Variants in GLG1 observed in about 807,000 individuals in gnomAD.
The protein encoded by GLG1 is golgi glycoprotein 1, also known as Golgi apparatus protein 1.
A neutral mutation model predicts 160.5 loss-of-function variants in GLG1; 38 were observed. That is an observed-to-expected ratio of 0.24 (90% CI 0.18 to 0.31). GLG1 has a LOEUF of 0.31. Ranked by LOEUF, GLG1 falls within the 10% of genes least tolerant of loss-of-function variation. The pLI is 1.00. For synonymous variants in GLG1, 644 were observed against 543.4 expected, an observed-to-expected ratio of 1.19 and a Z score of -2.57; for missense variants, 1,373 against 1,505.2, an observed-to-expected ratio of 0.91 and a Z score of 1.45.
chr16:74,556,130 G>T (rs185962048), intron 1 of GLG1, among the ~76,000 whole-genome samples: 19 of 152,252 alleles, frequency 1.2e-4, no homozygotes, highest in Admixed American at 1.1e-3. Context: ...TGAGCCACTG[G>T]TAAGAATAAA....
rs1334407154 is a variant in GLG1, at chr16:74,503,548, T to C, written c.757A>G (p.Ile253Val). Residue 253 changes from isoleucine (I) to valine (V), a missense_variant, in exon 4 of 26, where the codon ATT (isoleucine) becomes GTT (valine). Ile to Val is a conservative substitution (Grantham distance 29). Transcript: ENST00000422840. ...TTAGATACCTTTTCTCCAAGCCGAA[T>C]ACTGCCACATTTCAGAATGTTGATG... ...NDINILKCGS[I>V]RLGEKDAHSQ... 1.2e-6 allele frequency: 2 copies of C among 1,611,174 alleles called. No individual in the cohort carries two copies. The highest frequency in any genetic ancestry group is 1.7e-6 in the Non-Finnish European group (2 of 1,177,426).
intron 13 of GLG1, among the ~76,000 whole-genome samples, chr16:74,473,255 C>T (rs1298700225): frequency 6.6e-6 from 1 of 151,818 alleles, no homozygotes; most frequent in African/African-American, 2.4e-5. Flanking sequence ...GCTCTGTGGC[C>T]CAGGCGGGAG....
At chr16:74,471,354 C>T (rs563407111) in intron 14 of GLG1, 68 bp from the exon 15 acceptor site, 75 of 870,730 alleles carry the variant, frequency 8.6e-5, no homozygotes, top group South Asian at 3.4e-4. Context: ...TAGCCCAGTC[C>T]GAAACAAATG....
rs566210315 is a variant in GLG1 at position 74,486,293 on chromosome 16, C to G, written c.1450-376G>C. Among the ~76,000 whole-genome samples the G allele has an allele frequency of 2.6e-5, 4 of 152,300 alleles. No homozygotes were observed. In the South Asian group the frequency reaches 8.3e-4, roughly 32 times the overall value. On this transcript the variant is annotated intron_variant, in intron 8 of 25. Coordinates refer to ENST00000422840, the MANE Select transcript of GLG1 (RefSeq NM_001145667.2). ...TAAGTGGAAAAGAGTAAATAAAGAA[C>G]ATTTTCACTTAGAGACCTAATTGGG...
Position 74,451,876 on chromosome 16 carries a change from G to T in GLG1, c.*1291C>A. On this transcript the variant is annotated 3_prime_UTR_variant, in exon 26 of 26. Coordinates refer to ENST00000422840, the MANE Select transcript of GLG1 (RefSeq NM_001145667.2). ...AAGCCCATATTCTGCAAAGGTTGAT[G>T]AATCGCCAAAATACAACATTTAGCC... is the stretch of plus-strand genomic sequence containing the variant. 1 of 581,542 alleles carries T rather than the reference G, an allele frequency of 1.7e-6. No homozygotes were observed. Among genetic ancestry groups the T allele is most frequent in the Non-Finnish European group, 3.1e-6 (1 of 321,616 alleles). The allele number at this position is 581,542 out of a possible 1,614,324, so 36.0% of individuals were successfully genotyped here.
At chr16:74,478,161 G>T (rs895207447) in intron 11 of GLG1, among the ~76,000 whole-genome samples, 1 of 152,100 alleles carries the variant, frequency 6.6e-6, no homozygotes, top group East Asian at 1.9e-4. Context: ...AGGTTAGTTG[G>T]AAAGTTTTGT....
intron 18 of GLG1, among the ~76,000 whole-genome samples, chr16:74,466,347 C>A (rs1368527537): frequency 6.6e-6 from 1 of 152,174 alleles, no homozygotes; most frequent in Non-Finnish European, 1.5e-5. Flanking sequence ...AATACAAAAG[C>A]ATAAAGTGTC....
chr16:74,457,361 C>T (rs982878629), intron 24 of GLG1, among the ~76,000 whole-genome samples: 1 of 152,182 alleles, frequency 6.6e-6, no homozygotes, highest in Admixed American at 6.5e-5. Flanking sequence ...CATGCCACCA[C>T]ACTCCAGCCT....
At chr16:74,463,258 G>T (rs534283560) in intron 20 of GLG1, 98 bp downstream of exon 20, 1 of 1,216,118 alleles carries the variant, frequency 8.2e-7, no homozygotes. Context: ...AAAATTCCCA[G>T]GCAACAAAGC....
At chr16:74,456,216 T>C (rs983696462) in intron 25 of GLG1, among the ~76,000 whole-genome samples, 11 of 152,198 alleles carry the variant, frequency 7.2e-5, no homozygotes, top group Non-Finnish European at 1.5e-4. Flanking sequence ...CGGTGAACAG[T>C]GGGCGAAATG....
intron 3 of GLG1, among the ~76,000 whole-genome samples, chr16:74,504,523 C>T (rs1442864894): frequency 1.3e-5 from 2 of 152,100 alleles, no homozygotes; most frequent in Admixed American, 6.5e-5. Context: ...CCTGACCCCA[C>T]GTGACCCACC....
intron 1 of GLG1, among the ~76,000 whole-genome samples, chr16:74,571,103 G>A (rs1023146397): frequency 6.6e-6 from 1 of 151,958 alleles, no homozygotes; most frequent in Admixed American, 6.6e-5. Flanking sequence ...TGTCCTTTCC[G>A]TATTGATTTT....
At chr16:74,592,296 C>A (rs776436147) in intron 1 of GLG1, among the ~76,000 whole-genome samples, 3 of 152,180 alleles carry the variant, frequency 2.0e-5, no homozygotes, top group Non-Finnish European at 4.4e-5. Flanking sequence ...GCACATGCCA[C>A]CACACCTTGC....
chr16:74,529,708 C>T (rs1396136141), intron 2 of GLG1, among the ~76,000 whole-genome samples: 1 of 150,986 alleles, frequency 6.6e-6, no homozygotes, highest in Non-Finnish European at 1.5e-5. Flanking sequence ...GTCCTGACTG[C>T]TTCTTACATA....
At position 74,498,448 on chromosome 16, in the gene GLG1, G is replaced by GTATATATATATATATATATA. The variant is rs61033032; in HGVS notation, c.775-1805_775-1804insTATATATATATATATATATA. ...GGCTCTGTCTCAAAAAAAAAAAAAA[G>GTATATATATATATATATATA]TATATATATATATATATATTATATT... On this transcript the variant is annotated intron_variant, in intron 4 of 25. Transcript: ENST00000422840. Among the ~76,000 whole-genome samples the GTATATATATATATATATATA allele has an allele frequency of 8.5e-3, 205 of 24,034 alleles. 27 individuals are homozygous for GTATATATATATATATATATA. Among genetic ancestry groups the GTATATATATATATATATATA allele is most frequent in the South Asian group, 0.017 (8 of 464 alleles). 15.8% of individuals were successfully genotyped at this position (24,034 alleles called of 152,430 possible). A position where few individuals can be genotyped will look rare whatever the true frequency, so the allele number is the denominator to read the frequency against.
At chr16:74,494,979 G>T in intron 5 of GLG1, 148 bp from the exon 6 acceptor site, 4 of 441,812 alleles carry the variant, frequency 9.1e-6, no homozygotes, top group African/African-American at 2.0e-5. Context: ...AAATTTAATA[G>T]GCTTTTAACA....
chr16:74,511,368 T>A (rs1479915401), intron 2 of GLG1, among the ~76,000 whole-genome samples: 3 of 151,966 alleles, frequency 2.0e-5, no homozygotes, highest in Non-Finnish European at 4.4e-5. Flanking sequence ...ACTGAGTTTT[T>A]AGGCTGGGCA....
At chr16:74,517,267 T>C (rs553387814) in intron 2 of GLG1, among the ~76,000 whole-genome samples, 8 of 152,294 alleles carry the variant, frequency 5.3e-5, no homozygotes, top group Admixed American at 1.3e-4. Flanking sequence ...TTTAGACCAA[T>C]ATCCCTGATC....
Position 74,606,811 on chromosome 16 carries a change from C to T in GLG1, c.284G>A (p.Gly95Asp). The T allele has an allele frequency of 6.3e-7, 1 of 1,599,252 alleles. No individual in the cohort carries two copies. The highest frequency in any genetic ancestry group is 1.3e-5 in the African/African-American group (1 of 74,756). The part of the protein sequence containing the change: ...PQPPQPPFPA[G>D]GPPARRGGAG... Reference sequence around the variant, plus strand: ...TCCTCCCCGCCGGGCCGGAGGCCCACCCGCCGGGAAAGGCGGCTGCGGCGG... The same window carrying T: ...TCCTCCCCGCCGGGCCGGAGGCCCATCCGCCGGGAAAGGCGGCTGCGGCGG... The change falls in exon 1 of 26, where the codon GGT becomes GAT. Residue 95 changes from glycine (G) to aspartate (D), a missense_variant. Gly to Asp is a moderately conservative substitution (Grantham distance 94). Coordinates refer to ENST00000422840, the MANE Select transcript of GLG1 (RefSeq NM_001145667.2).
Sources: allele counts gnomAD v4.1 joint callset (sites outside exome capture counted in the v4.1 genomes callset), GRCh38; gene constraint gnomAD v4.1.1; transcripts MANE v1.5; gene names NCBI Gene and HGNC (gene_info 2026-07-23, HGNC 2026-07-21).